Variants in TOX observed in about 807,000 individuals in gnomAD.
The protein encoded by TOX is thymocyte selection associated high mobility group box, also known as thymocyte selection-associated high mobility group box protein TOX.
In TOX, 11 loss-of-function variants were observed where a neutral mutation model predicts 53.7. The observed-to-expected ratio is 0.20, with a 90% confidence interval of 0.13 to 0.34. TOX has a LOEUF of 0.34. TOX is among the 10% of genes least tolerant of loss of function. The probability of loss-of-function intolerance (pLI) is 1.00; values close to 1 mark genes in which losing one functional copy is unlikely to be tolerated. For missense variants in TOX, 570 were observed against 664.6 expected, an observed-to-expected ratio of 0.86 and a Z score of 1.56; for synonymous variants, 225 against 245.3, an observed-to-expected ratio of 0.92 and a Z score of 0.77.
chr8:59,115,373 T>C (rs1805084454), intron 1 of TOX, among the ~76,000 whole-genome samples: 1 of 152,150 alleles, frequency 6.6e-6, no homozygotes. Context: ...GAAAACAATC[T>C]TTGGAAATGA....
chr8:58,895,860 A>G (rs1337179076), intron 3 of TOX, among the ~76,000 whole-genome samples: 1 of 152,186 alleles, frequency 6.6e-6, no homozygotes, highest in African/African-American at 2.4e-5. Flanking sequence ...AATGGAGGTT[A>G]TAGTTCCTAC....
At chr8:58,994,919 C>G (rs982456881) in intron 1 of TOX, among the ~76,000 whole-genome samples, 3 of 152,194 alleles carry the variant, frequency 2.0e-5, no homozygotes, top group Non-Finnish European at 2.9e-5. Context: ...CATGGTCTAT[C>G]CTCTTCCATA....
At chr8:58,827,041 G>T in intron 5 of TOX, 139 bp from the exon 6 acceptor site, 1 of 495,384 alleles carries the variant, frequency 2.0e-6, no homozygotes, top group Non-Finnish European at 3.1e-6. Flanking sequence ...CCCAAAGATT[G>T]TGTTTTCTTA....
At position 58,851,845 on chromosome 8, in the gene TOX, A is replaced by AAAT; in HGVS notation, c.412-43_412-41dup. On this transcript the variant is annotated intron_variant, in intron 3 of 8. Transcript: ENST00000361421. This position sits in a 1 kb window ranked among gnomAD's most constrained non-coding sequence, Gnocchi z 4.4. ...TAAATAAATAAATAAATAAATAAATAAATAGGAAAGGAGTAATTTTAACAA... is the reference window on the plus strand; with the variant it reads ...TAAATAAATAAATAAATAAATAAATAAATAATAGGAAAGGAGTAATTTTAACAA... 1.6e-6 allele frequency: 2 copies of AAAT among 1,277,822 alleles called. No homozygotes were observed. Among genetic ancestry groups the AAAT allele is most frequent in the Non-Finnish European group, 2.0e-6 (2 of 1,003,134 alleles). The allele number at this position is 1,277,822 out of a possible 1,614,324, so 79.2% of individuals were successfully genotyped here. A position where few individuals can be genotyped will look rare whatever the true frequency, so the allele number is the denominator to read the frequency against.
intron 3 of TOX, among the ~76,000 whole-genome samples, chr8:58,855,674 G>A (rs549593464): frequency 6.6e-6 from 1 of 152,190 alleles, no homozygotes; most frequent in East Asian, 1.9e-4. Flanking sequence ...CATGAGCCAT[G>A]GGCTCAAAAA....
rs146313270 is a variant in TOX at position 58,813,669 on chromosome 8, C to T, written c.1392+1669G>A. ...GTGGTGGGAAGTGGCTTTCTACGTA[C>T]TCTTCTTCCCCAGTGAATCAACAAC... On this transcript the variant is annotated intron_variant, in intron 7 of 8. Transcript: ENST00000361421. 8.2e-3 allele frequency among the ~76,000 whole-genome samples: 1,242 copies of T among 152,266 alleles called. 6 individuals are homozygous for T. Among genetic ancestry groups the T allele is most frequent in the Middle Eastern group, 0.014 (4 of 292 alleles).
intron 3 of TOX, among the ~76,000 whole-genome samples, chr8:58,869,169 G>T (rs1288890550): frequency 6.9e-6 from 1 of 145,358 alleles, no homozygotes; most frequent in Non-Finnish European, 1.5e-5. Context: ...AGAGGTTGCA[G>T]TGAGCTGAGA....
At chr8:58,858,356 C>T (rs1345464347) in intron 3 of TOX, among the ~76,000 whole-genome samples, 1 of 152,224 alleles carries the variant, frequency 6.6e-6, no homozygotes, top group Non-Finnish European at 1.5e-5. Flanking sequence ...CCGTCCAACA[C>T]ACCAGCCTTG....
intron 3 of TOX, among the ~76,000 whole-genome samples, chr8:58,864,871 A>C (rs558851205): frequency 6.6e-6 from 1 of 152,348 alleles, no homozygotes; most frequent in Non-Finnish European, 1.5e-5. Context: ...GAACAAATTC[A>C]TTGTGAGGCA....
chr8:59,113,773 C>CG (rs1173503403), intron 1 of TOX, among the ~76,000 whole-genome samples: 8 of 151,852 alleles, frequency 5.3e-5, no homozygotes, highest in African/African-American at 1.7e-4. Context: ...AGGTAAGAGG[C>CG]GCTGGGCATA....
chr8:58,945,513 C>T (rs1357239569), intron 2 of TOX, among the ~76,000 whole-genome samples: 2 of 152,164 alleles, frequency 1.3e-5, no homozygotes, highest in East Asian at 3.9e-4. Context: ...AAACTTCTCA[C>T]CTGATTCTGG....
At chr8:59,030,602 C>A (rs1402980742) in intron 1 of TOX, among the ~76,000 whole-genome samples, 1 of 152,128 alleles carries the variant, frequency 6.6e-6, no homozygotes, top group Non-Finnish European at 1.5e-5. Context: ...TGCTTCCAGG[C>A]AGGTTGAAGG....
chr8:58,899,444 G>A (rs2129172647), intron 3 of TOX, among the ~76,000 whole-genome samples: 1 of 152,262 alleles, frequency 6.6e-6, no homozygotes, highest in South Asian at 2.1e-4. Flanking sequence ...CTATATTGGA[G>A]TCTCTCACAC....
In TOX at chr8:58,975,264, C is replaced by CA. The variant is rs764331571; in HGVS notation, c.103-15257_103-15256insT. 3.8e-3 allele frequency among the ~76,000 whole-genome samples: 568 copies of CA among 147,940 alleles called. 2 individuals carry two copies. Among genetic ancestry groups the CA allele is most frequent in the Admixed American group, 7.5e-3 (112 of 14,880 alleles). ...TATATATACACACACACACACACAC[C>CA]CCCACACAGAGAGAGAGAGAGAGAG... On this transcript the variant is annotated intron_variant, in intron 1 of 8. Coordinates refer to ENST00000361421, the MANE Select transcript of TOX (RefSeq NM_014729.3).
intron 3 of TOX, among the ~76,000 whole-genome samples, chr8:58,858,893 C>T (rs1466763605): frequency 6.6e-6 from 1 of 152,174 alleles, no homozygotes; most frequent in African/African-American, 2.4e-5. Context: ...GAATAATGCA[C>T]TCTAAGAGTC....
intron 1 of TOX, among the ~76,000 whole-genome samples, chr8:59,091,399 G>C (rs1432315462): frequency 6.6e-6 from 1 of 151,980 alleles, no homozygotes; most frequent in Admixed American, 6.6e-5. Flanking sequence ...ACTCTATCCT[G>C]GTTCTGATTG....
At chr8:58,990,058 T>G (rs1393455680) in intron 1 of TOX, among the ~76,000 whole-genome samples, 2 of 152,234 alleles carry the variant, frequency 1.3e-5, no homozygotes, top group South Asian at 2.1e-4. Flanking sequence ...TAACCAGGCT[T>G]CATGCAATAT....
chr8:59,025,854 C>T (rs1404857696), intron 1 of TOX, among the ~76,000 whole-genome samples: 1 of 152,170 alleles, frequency 6.6e-6, no homozygotes, highest in African/African-American at 2.4e-5. Flanking sequence ...ATGTAGGGGA[C>T]TCATCAAGGA....
intron 1 of TOX, among the ~76,000 whole-genome samples, chr8:59,077,265 T>C (rs948016617): frequency 1.3e-5 from 2 of 152,238 alleles, no homozygotes; most frequent in African/African-American, 4.8e-5. Flanking sequence ...ATTCTGCCAA[T>C]GAACACACTA....
Sources: gnomAD v4.1 joint callset for allele counts (sites outside exome capture counted in the v4.1 genomes callset) on GRCh38, gnomAD v4.1.1 for gene constraint, Gnocchi (gnomAD v3.1) non-coding constraint, MANE v1.5 for transcripts, NCBI Gene and HGNC (gene_info 2026-07-23, HGNC 2026-07-21) for gene names.